PDE4D: variants seen among roughly 807,000 people sequenced by gnomAD.
PDE4D encodes 3',5'-cyclic-AMP phosphodiesterase 4D.
PDE4D carries 24 observed loss-of-function variants against 87.4 expected under a neutral mutation model. The observed-to-expected ratio is 0.27, with a 90% CI of 0.20 to 0.39. The LOEUF (loss-of-function observed/expected upper bound fraction) is 0.39, where lower values mean the gene tolerates loss of function less well. Among genes scored for constraint, PDE4D ranks in the 10% least tolerant of loss-of-function variants. The pLI, the probability that PDE4D is intolerant of heterozygous loss-of-function variation, is 1.00. For synonymous variants in PDE4D, 384 were observed against 383.2 expected (o/e 1.00, Z -0.02); for missense variants, 714 against 1,041.0 (o/e 0.69, Z 4.32).
At position 59,844,269 on chromosome 5, in the gene PDE4D, A is replaced by G. The variant is rs1326153917; in HGVS notation, c.455+48899T>C. Among the ~76,000 whole-genome samples, 5 of 152,114 alleles carry G rather than the reference A, an allele frequency of 3.3e-5. No homozygotes were observed. In the East Asian group the frequency reaches 9.7e-4, roughly 29 times the overall value. On this transcript the variant is annotated intron_variant, in intron 1 of 14. Transcript: ENST00000340635. ...TTAGAACTAAGAAAAGGGACAAAGA[A>G]TCTCTAACTCATCCATACTTTCTCA... is the stretch of plus-strand genomic sequence containing the variant.
At chr5:60,177,787 T>C (rs1206698411) in intron 2 of PDE4D, among the ~76,000 whole-genome samples, 1 of 152,192 alleles carries the variant, frequency 6.6e-6, no homozygotes, top group African/African-American at 2.4e-5. Flanking sequence ...ACATGAGTGA[T>C]ATAGACACCG....
chr5:59,608,897 A>C (rs1828600956), intron 1 of PDE4D, among the ~76,000 whole-genome samples: 1 of 152,164 alleles, frequency 6.6e-6, no homozygotes, highest in Non-Finnish European at 1.5e-5. Context: ...CTGTCTGCCT[A>C]TCTGTCTCTC....
intron 1 of PDE4D, among the ~76,000 whole-genome samples, chr5:60,420,074 G>C (rs992006798): frequency 6.6e-6 from 1 of 152,186 alleles, no homozygotes; most frequent in African/African-American, 2.4e-5. Flanking sequence ...GCTTAACAGA[G>C]AGAAAATGTT....
At chr5:59,421,062 C>T (rs1441699039) in intron 1 of PDE4D, among the ~76,000 whole-genome samples, 1 of 152,120 alleles carries the variant, frequency 6.6e-6, no homozygotes, top group Non-Finnish European at 1.5e-5. Flanking sequence ...TTCAGTAATT[C>T]CTCATAGACT....
At chr5:60,161,328 A>G (rs181547923) in intron 2 of PDE4D, among the ~76,000 whole-genome samples, 1 of 152,276 alleles carries the variant, frequency 6.6e-6, no homozygotes, top group East Asian at 1.9e-4. Flanking sequence ...GCAATATTAC[A>G]TTACATTAAC....
At chr5:59,862,978 A>G (rs1466522604) in intron 1 of PDE4D, among the ~76,000 whole-genome samples, 1 of 152,202 alleles carries the variant, frequency 6.6e-6, no homozygotes, top group Non-Finnish European at 1.5e-5. Flanking sequence ...TATTGTTTTA[A>G]TTATAAAAGA....
intron 3 of PDE4D, among the ~76,000 whole-genome samples, chr5:59,947,323 T>C (rs1456522160): frequency 6.6e-6 from 1 of 152,186 alleles, no homozygotes; most frequent in African/African-American, 2.4e-5. Context: ...TTTCCTTCTC[T>C]CTTAACTTGC....
At chr5:59,411,114 GCAGATTTCT>G (rs766812498) in intron 1 of PDE4D, among the ~76,000 whole-genome samples, 1 of 152,156 alleles carries the variant, frequency 6.6e-6, no homozygotes, top group Non-Finnish European at 1.5e-5. Flanking sequence ...CCCTTCATAT[GCAGATTTCT>G]CATCCACCTT....
At chr5:60,465,966 T>C (rs1033582277) in intron 1 of PDE4D, among the ~76,000 whole-genome samples, 4 of 151,962 alleles carry the variant, frequency 2.6e-5, no homozygotes, top group African/African-American at 9.7e-5. Flanking sequence ...AGGGAACAGT[T>C]TCTACTGAAT....
chr5:60,477,085 A>T (rs1044734398), intron 1 of PDE4D, among the ~76,000 whole-genome samples: 2 of 152,168 alleles, frequency 1.3e-5, no homozygotes, highest in African/African-American at 4.8e-5. Flanking sequence ...AAGTTCCTCT[A>T]TGACATGTAG....
At chr5:60,350,846 A>G (rs1434004424) in intron 1 of PDE4D, among the ~76,000 whole-genome samples, 1 of 152,120 alleles carries the variant, frequency 6.6e-6, no homozygotes, top group African/African-American at 2.4e-5. Flanking sequence ...CTGTGACCCC[A>G]AAAAGATCCC....
At chr5:59,749,599 C>T (rs938276184) in intron 1 of PDE4D, among the ~76,000 whole-genome samples, 2 of 152,094 alleles carry the variant, frequency 1.3e-5, no homozygotes, top group Non-Finnish European at 2.9e-5. Context: ...AGATATCACT[C>T]TCAATTTTTC....
intron 1 of PDE4D, among the ~76,000 whole-genome samples, chr5:59,792,460 G>T (rs1014938454): frequency 7.2e-6 from 1 of 138,654 alleles, no homozygotes; most frequent in African/African-American, 3.0e-5. Flanking sequence ...TGGGCATGGA[G>T]TGAAGGAGGA....
intron 1 of PDE4D, among the ~76,000 whole-genome samples, chr5:60,416,545 T>G (rs1196338193): frequency 6.6e-6 from 1 of 152,108 alleles, no homozygotes; most frequent in African/African-American, 2.4e-5. Context: ...CGCGAAGGTC[T>G]GCAGCTTCAC....
intron 1 of PDE4D, among the ~76,000 whole-genome samples, chr5:59,222,398 TA>T (rs1422629386): frequency 2.0e-5 from 3 of 152,254 alleles, no homozygotes; most frequent in Non-Finnish European, 2.9e-5. Context: ...GCTGAGTAAA[TA>T]GCTTTCCTCA....
intron 1 of PDE4D, among the ~76,000 whole-genome samples, chr5:59,732,037 T>C (rs1376365524): frequency 6.6e-6 from 1 of 152,176 alleles, no homozygotes; most frequent in Non-Finnish European, 1.5e-5. Context: ...TAAACAAAAT[T>C]GCTGACATCT....
At chr5:59,185,166 G>A (rs1742605104) in intron 4 of PDE4D, 23 bp downstream of exon 4, 20 of 1,584,512 alleles carry the variant, frequency 1.3e-5, no homozygotes, top group Non-Finnish European at 1.7e-5. Flanking sequence ...GCAAAAAAGA[G>A]GGGGGAAAAA....
rs374355945 is a variant in PDE4D at position 60,369,841 on chromosome 5, C to T, written c.-90+118101G>A. Among the ~76,000 whole-genome samples the T allele has an allele frequency of 4.6e-5, 7 of 152,210 alleles. No individual in the cohort carries two copies. The South Asian group carries it at 6.2e-4, about 14-fold the overall frequency. ...TCAACATGCACACACAAAAAAAAAT[C>T]AGACCAGACGTGAATCGAGGTCATT... On this transcript the variant is annotated intron_variant, in intron 1 of 16. Coordinates refer to the PDE4D transcript ENST00000502484.
intron 1 of PDE4D, among the ~76,000 whole-genome samples, chr5:59,423,612 A>G (rs1794781635): frequency 1.3e-5 from 2 of 152,200 alleles, no homozygotes. Context: ...TGGAAATAGA[A>G]AATTATGAAA....
Sources: allele counts gnomAD v4.1 joint callset (sites outside exome capture counted in the v4.1 genomes callset), GRCh38; gene constraint gnomAD v4.1.1; transcripts MANE v1.5; gene names NCBI Gene and HGNC (gene_info 2026-07-23, HGNC 2026-07-21).